The following TMBIM4 variants were observed in gnomAD, a reference collection of about 807,000 sequenced individuals.
The protein encoded by TMBIM4 is transmembrane BAX inhibitor motif containing 4, also known as protein lifeguard 4.
In TMBIM4, 28 loss-of-function variants were observed where a neutral mutation model predicts 27.7. The ratio of observed to expected loss-of-function variants is 1.01; its 90% CI spans 0.75 to 1.38. TMBIM4 has a LOEUF of 1.38. Ranked by LOEUF, TMBIM4 falls within the 40% of genes most tolerant of loss-of-function variation. The pLI is 0.00. For synonymous variants in TMBIM4, 115 were observed against 113.1 expected (o/e 1.02, Z -0.11); for missense variants, 265 against 277.5 (o/e 0.95, Z 0.32).
rs745891395 is a variant in TMBIM4, at chr12:66,137,710, T to C, written c.*250A>G. 7 of 393,134 alleles carry C rather than the reference T, an allele frequency of 1.8e-5. No individual in the cohort carries two copies. Among genetic ancestry groups the C allele is most frequent in the Non-Finnish European group, 3.2e-5 (7 of 215,472 alleles). The allele number at this position is 393,134 out of a possible 1,614,324, so 24.4% of individuals were successfully genotyped here. ...TGCCCAGCCAGAAAAGCATTTTTAA[T>C]AGAATTTTGATAGCTCTTAACTGAG... On this transcript the variant is annotated 3_prime_UTR_variant, in exon 7 of 7. Transcript: ENST00000358230.
At chr12:66,160,183 T>C (rs1238333788) in intron 1 of TMBIM4, 2 of 703,336 alleles carry the variant, frequency 2.8e-6, no homozygotes, top group East Asian at 2.7e-5. Context: ...TTGTAGAAAA[T>C]GTTCACCATC....
At chr12:66,148,532 T>C (rs1312116112) in intron 3 of TMBIM4, among the ~76,000 whole-genome samples, 1 of 152,212 alleles carries the variant, frequency 6.6e-6, no homozygotes, top group East Asian at 1.9e-4. Context: ...GATTGTGCTC[T>C]AAAAACAAAG....
At chr12:66,153,663 T>G (rs937574728) in intron 1 of TMBIM4, among the ~76,000 whole-genome samples, 1 of 152,026 alleles carries the variant, frequency 6.6e-6, no homozygotes, top group African/African-American at 2.4e-5. Flanking sequence ...CCAAAAAGCA[T>G]GAGCCTAAAA....
At chr12:66,159,864 A>T (rs1489444562) in intron 1 of TMBIM4, among the ~76,000 whole-genome samples, 4 of 152,230 alleles carry the variant, frequency 2.6e-5, no homozygotes. Flanking sequence ...TCACCACTAG[A>T]TCCCTAACAT....
At position 66,138,018 on chromosome 12, in the gene TMBIM4, T is replaced by A. The variant is rs541165096; in HGVS notation, c.659A>T (p.Asp220Val). 29 of 1,614,112 alleles carry A rather than the reference T, an allele frequency of 1.8e-5. 1 individual carries two copies. The South Asian group carries it at 3.0e-4, about 16-fold the overall frequency. ...CAGGTGCAGGAATAGATTGATGATA[T>A]CCAAGTAGAGGCTGATGGCAGCTAA... ...YVLAAISLYLDIINLFLHLLR... is the reference protein window; with the variant it reads ...YVLAAISLYLVIINLFLHLLR... Residue 220 changes from aspartate (D) to valine (V), a missense_variant, in exon 7 of 7, where the codon GAT (aspartate) becomes GTT (valine). Transcript: ENST00000358230.
At chr12:66,153,515 T>G in intron 1 of TMBIM4, 67 bp from the exon 2 acceptor site, 2 of 978,552 alleles carry the variant, frequency 2.0e-6, no homozygotes, top group South Asian at 3.4e-5. Flanking sequence ...AAAATCAAAT[T>G]TCCTCTTTAA....
chr12:66,166,554 A>T (rs12303177), intron 1 of TMBIM4, among the ~76,000 whole-genome samples: 1 of 152,184 alleles, frequency 6.6e-6, no homozygotes, highest in Non-Finnish European at 1.5e-5. Context: ...GCTCAACATT[A>T]TAAGTCATTA....
intron 1 of TMBIM4, among the ~76,000 whole-genome samples, chr12:66,167,742 C>T (rs530792664): frequency 2.0e-5 from 3 of 152,170 alleles, no homozygotes; most frequent in Non-Finnish European, 4.4e-5. Context: ...CACAATCCAG[C>T]AATTCCACTT....
intron 1 of TMBIM4, among the ~76,000 whole-genome samples, chr12:66,158,242 C>A (rs12320770): frequency 0.094 from 11,279 of 119,578 alleles, 842 homozygotes; most frequent in East Asian, 0.45. Context: ...AAAAAAAAAA[C>A]AAAAAAATGA....
At chr12:66,160,051 T>C (rs544951119) in intron 1 of TMBIM4, 11 of 566,232 alleles carry the variant, frequency 1.9e-5, no homozygotes, top group African/African-American at 1.3e-4. Context: ...TGAAGTTTTA[T>C]TGGGACACAA....
chr12:66,166,464 CAAAAAAAAAAA>C (rs59822799), intron 1 of TMBIM4, among the ~76,000 whole-genome samples: 16 of 100,706 alleles, frequency 1.6e-4, no homozygotes, highest in African/African-American at 4.5e-4. Flanking sequence ...TACTTTGTCT[CAAAAAAAAAAA>C]AAAAAAAAAG....
At chr12:66,168,734 C>G (rs565806454) in intron 1 of TMBIM4, 2 of 152,564 alleles carry the variant, frequency 1.3e-5, no homozygotes, top group East Asian at 3.9e-4. Flanking sequence ...CGGCAGGACT[C>G]ATCACTCTGA....
chr12:66,152,803 G>C (rs963817753), intron 2 of TMBIM4, among the ~76,000 whole-genome samples: 1 of 152,034 alleles, frequency 6.6e-6, no homozygotes, highest in Non-Finnish European at 1.5e-5. Flanking sequence ...GGGGAGAAGG[G>C]AAGGGAGGAC....
chr12:66,160,197 G>C (rs1294484864), intron 1 of TMBIM4: 1 of 703,308 alleles, frequency 1.4e-6, no homozygotes, highest in African/African-American at 1.7e-5. Flanking sequence ...CACCATCCCT[G>C]ATCTACCAGA....
At chr12:66,142,874 T>C (rs896700242) in intron 5 of TMBIM4, among the ~76,000 whole-genome samples, 1 of 152,182 alleles carries the variant, frequency 6.6e-6, no homozygotes, top group South Asian at 2.1e-4. Context: ...ATTCACTAAC[T>C]GGACAAGATC....
At chr12:66,150,633 G>C (rs553443874) in intron 3 of TMBIM4, among the ~76,000 whole-genome samples, 2 of 151,748 alleles carry the variant, frequency 1.3e-5, no homozygotes, top group African/African-American at 4.9e-5. Context: ...GGCTGGTCTC[G>C]AACTCCTGAA....
At chr12:66,150,831 A>T (rs560563354) in intron 3 of TMBIM4, among the ~76,000 whole-genome samples, 43 of 152,358 alleles carry the variant, frequency 2.8e-4, no homozygotes, top group African/African-American at 9.6e-4. Flanking sequence ...AGATAGAAAA[A>T]GGGAAAACAA....
intron 1 of TMBIM4, among the ~76,000 whole-genome samples, chr12:66,157,964 T>A (rs148824718): frequency 4.0e-4 from 61 of 152,256 alleles, no homozygotes; most frequent in Admixed American, 7.8e-4. Flanking sequence ...TGGTGGCTCA[T>A]GCCTGTAATC....
chr12:66,153,225 C>T (rs961279276), intron 2 of TMBIM4, 115 bp downstream of exon 2: 2 of 667,964 alleles, frequency 3.0e-6, no homozygotes, highest in Non-Finnish European at 5.1e-6. Context: ...GTAAATGAAC[C>T]TTTTTTACAT....
Sources: allele counts gnomAD v4.1 joint callset (sites outside exome capture counted in the v4.1 genomes callset), GRCh38; gene constraint gnomAD v4.1.1; transcripts MANE v1.5; gene names NCBI Gene and HGNC (gene_info 2026-07-23, HGNC 2026-07-21).